Variants in MIX23 observed in about 807,000 individuals in gnomAD.
The protein encoded by MIX23 is protein MIX23.
MIX23 carries 13 observed loss-of-function variants against 21.6 expected under a neutral mutation model. That is an observed-to-expected ratio of 0.60 (90% CI 0.39 to 0.96). The LOEUF (loss-of-function observed/expected upper bound fraction) is 0.96, where lower values mean the gene tolerates loss of function less well. Among genes scored for constraint, MIX23 ranks in the 40% least tolerant of loss-of-function variants. MIX23 has a pLI of 0.00. For synonymous variants in MIX23, 59 were observed against 58.0 expected (o/e 1.02, Z -0.08); for missense variants, 144 against 171.2 (o/e 0.84, Z 0.89).
intron 1 of MIX23, among the ~76,000 whole-genome samples, chr3:122,376,747 T>C (rs1227007442): frequency 6.6e-6 from 1 of 152,124 alleles, no homozygotes; most frequent in Non-Finnish European, 1.5e-5. Flanking sequence ...TGCTTATAAA[T>C]GGTAGCTAAA....
chr3:122,382,531 G>A (rs1360650915), intron 1 of MIX23, among the ~76,000 whole-genome samples: 1 of 152,192 alleles, frequency 6.6e-6, no homozygotes, highest in Non-Finnish European at 1.5e-5. Context: ...ATTTATGACT[G>A]AATTGGAACA....
chr3:122,370,551 G>C (rs187441774), intron 2 of MIX23, among the ~76,000 whole-genome samples: 2 of 150,030 alleles, frequency 1.3e-5, no homozygotes, highest in African/African-American at 4.9e-5. Flanking sequence ...GATTAATCTA[G>C]ATCTAGAGTC....
chr3:122,363,289 C>G, intron 3 of MIX23, among the ~76,000 whole-genome samples: 1 of 148,438 alleles, frequency 6.7e-6, no homozygotes, highest in African/African-American at 2.6e-5. Context: ...TATCCCAAGG[C>G]CAGTCAGTTC....
chr3:122,372,948 TTC>T, intron 1 of MIX23: 1 of 367,482 alleles, frequency 2.7e-6, no homozygotes, highest in Non-Finnish European at 5.4e-6. Flanking sequence ...CAACGTTTGA[TTC>T]TTTTTCCCTC....
chr3:122,383,121 G>A, intron 1 of MIX23, 53 bp downstream of exon 1: 1 of 1,605,878 alleles, frequency 6.2e-7, no homozygotes, highest in Non-Finnish European at 8.5e-7. Flanking sequence ...CAGGGAATAG[G>A]GTCTGGGGAC....
intron 2 of MIX23, among the ~76,000 whole-genome samples, chr3:122,369,294 A>C (rs142854135): frequency 4.1e-4 from 63 of 152,332 alleles, no homozygotes; most frequent in African/African-American, 1.4e-3. Flanking sequence ...TTGAGATTTG[A>C]AATTTCTAAA....
intron 3 of MIX23, among the ~76,000 whole-genome samples, chr3:122,364,936 A>G (rs2107677109): frequency 6.6e-6 from 1 of 152,348 alleles, no homozygotes; most frequent in South Asian, 2.1e-4. Context: ...ACAAGGTTAC[A>G]AAGCCACCAA....
Position 122,359,649 on chromosome 3 carries a change from A to C in MIX23, c.*220T>G. The stretch of plus-strand genomic sequence containing the variant: ...AAAAATTTTTTTTTTTTTTTTTTAC[A>C]GAATCAGTATAAAATAGCAGTTGAT... On this transcript the variant is annotated 3_prime_UTR_variant, in exon 5 of 5. Coordinates refer to ENST00000291458, the MANE Select transcript of MIX23 (RefSeq NM_001017928.4). 6.6e-6 allele frequency: 2 copies of C among 305,194 alleles called. No individual in the cohort carries two copies. Among genetic ancestry groups the C allele is most frequent in the Non-Finnish European group, 1.2e-5 (2 of 171,154 alleles). The allele number at this position is 305,194 out of a possible 1,614,324, so 18.9% of individuals were successfully genotyped here.
intron 4 of MIX23, among the ~76,000 whole-genome samples, chr3:122,360,500 A>G (rs1024342037): frequency 6.6e-6 from 1 of 152,230 alleles, no homozygotes; most frequent in Non-Finnish European, 1.5e-5. Flanking sequence ...ATCTGAAAGC[A>G]TATACCATCT....
intron 1 of MIX23, among the ~76,000 whole-genome samples, 185 bp downstream of exon 1, chr3:122,382,989 C>T (rs750534986): frequency 3.3e-5 from 5 of 152,240 alleles, no homozygotes; most frequent in Middle Eastern, 3.2e-3. Context: ...CTCCTCCCTC[C>T]TCCTACAGAG....
At chr3:122,359,949 T>C (rs770427566) in intron 4 of MIX23, 30 bp from the exon 5 acceptor site, 11 of 1,577,110 alleles carry the variant, frequency 7.0e-6, no homozygotes, top group Middle Eastern at 3.3e-4. Context: ...ACAAAAGTCA[T>C]TGAGTTATCC....
At chr3:122,368,357 A>C in intron 2 of MIX23, 35 bp from the exon 3 acceptor site, 1 of 1,540,354 alleles carries the variant, frequency 6.5e-7, no homozygotes, top group South Asian at 1.2e-5. Context: ...AGAAAAAAAA[A>C]CTGCATAAAT....
At position 122,359,688 on chromosome 3, in the gene MIX23, T is replaced by C; in HGVS notation, c.*181A>G. On this transcript the variant is annotated 3_prime_UTR_variant, in exon 5 of 5. Transcript: ENST00000291458. ...ATAGCAGTTGATTTCTCCATAATTA[T>C]CAGAATTATTTATACTTGAGGTCTT... 2.4e-6 allele frequency: 1 copy of C among 417,088 alleles called. No individual in the cohort carries two copies. The highest frequency in any genetic ancestry group is 3.7e-5 in the East Asian group (1 of 27,220). 25.8% of individuals were successfully genotyped at this position (417,088 alleles called of 1,614,324 possible). A position where few individuals can be genotyped will look rare whatever the true frequency, so the allele number is the denominator to read the frequency against.
intron 1 of MIX23, among the ~76,000 whole-genome samples, chr3:122,382,655 T>C (rs2075542733): frequency 6.6e-6 from 1 of 152,186 alleles, no homozygotes; most frequent in Non-Finnish European, 1.5e-5. Flanking sequence ...CCTCTAAATA[T>C]TACATCTTCT....
chr3:122,370,121 C>T (rs995003183), intron 2 of MIX23, among the ~76,000 whole-genome samples: 5 of 152,120 alleles, frequency 3.3e-5, no homozygotes, highest in African/African-American at 1.2e-4. Flanking sequence ...ACTCTATGAA[C>T]TAGGTACCAT....
At position 122,371,769 on chromosome 3, in the gene MIX23, T is replaced by C. The variant is rs751659195; in HGVS notation, c.83A>G (p.Asp28Gly). 6.9e-6 allele frequency: 11 copies of C among 1,605,642 alleles called. No individual in the cohort carries two copies. Among genetic ancestry groups the C allele is most frequent in the Non-Finnish European group, 9.4e-6 (11 of 1,172,488 alleles). ...AGTGTTTAATTCATGTACTATTCTG[T>C]CATCAATTGTCCTCATCACCTTGAG... ...ELLKVMRTID[D>G]RIVHELNTTV... Residue 28 changes from aspartate to glycine, a missense_variant, in exon 2 of 5, where the codon GAC becomes GGC. Transcript: ENST00000291458.
At chr3:122,383,064 T>A in intron 1 of MIX23, 110 bp downstream of exon 1, 2 of 1,442,072 alleles carry the variant, frequency 1.4e-6, no homozygotes, top group Non-Finnish European at 2.0e-6. Flanking sequence ...GAAAAGAGCT[T>A]TGAATTGCCC....
intron 4 of MIX23, 48 bp downstream of exon 4, chr3:122,362,920 G>A: frequency 6.6e-7 from 1 of 1,518,782 alleles, no homozygotes; most frequent in Non-Finnish European, 9.1e-7. Flanking sequence ...CCCTTTGCTA[G>A]TTCAGTTTCC....
At chr3:122,379,956 A>T (rs1373109456) in intron 1 of MIX23, among the ~76,000 whole-genome samples, 1 of 152,174 alleles carries the variant, frequency 6.6e-6, no homozygotes, top group Non-Finnish European at 1.5e-5. Flanking sequence ...GGTGGGGTAA[A>T]AATCTCATCC....
Sources: allele counts gnomAD v4.1 joint callset (sites outside exome capture counted in the v4.1 genomes callset), GRCh38; gene constraint gnomAD v4.1.1; transcripts MANE v1.5; gene names NCBI Gene and HGNC (gene_info 2026-07-23, HGNC 2026-07-21).